CTNND2: variants seen among roughly 807,000 people sequenced by gnomAD.
CTNND2 encodes catenin delta-2.
A neutral mutation model predicts 144.4 loss-of-function variants in CTNND2; 22 were observed. That is an observed-to-expected ratio of 0.15 (90% CI 0.11 to 0.22). CTNND2 has a LOEUF of 0.22. CTNND2 is among the 10% of genes least tolerant of loss of function. The probability of loss-of-function intolerance (pLI) is 1.00; values close to 1 mark genes in which losing one functional copy is unlikely to be tolerated. For missense variants in CTNND2, 1,353 were observed against 1,618.8 expected, an observed-to-expected ratio of 0.84 and a Z score of 2.82; for synonymous variants, 751 against 695.6, an observed-to-expected ratio of 1.08 and a Z score of -1.25.
At chr5:11,447,822 A>G (rs1764962272) in intron 3 of CTNND2, among the ~76,000 whole-genome samples, 1 of 152,170 alleles carries the variant, frequency 6.6e-6, no homozygotes, top group African/African-American at 2.4e-5. Flanking sequence ...CACTGAATAC[A>G]TTTCAAAGAA....
At chr5:11,367,088 G>C (rs1429370320) in intron 7 of CTNND2, among the ~76,000 whole-genome samples, 1 of 152,212 alleles carries the variant, frequency 6.6e-6, no homozygotes, top group Non-Finnish European at 1.5e-5. Context: ...AGGGCTCTGA[G>C]TAAAACTATA....
chr5:11,314,953 T>C (rs901594595), intron 9 of CTNND2, among the ~76,000 whole-genome samples: 6 of 152,224 alleles, frequency 3.9e-5, no homozygotes, highest in African/African-American at 1.4e-4. Flanking sequence ...ATGTTCCAAA[T>C]ATTGCAAGAA....
Position 11,202,945 on chromosome 5 carries a change from C to T in CTNND2, c.1762-3284G>A, listed in dbSNP as rs1225546127. Among the ~76,000 whole-genome samples the T allele has an allele frequency of 2.0e-5, 3 of 152,150 alleles. No individual in the cohort carries two copies. In the East Asian group the frequency reaches 5.8e-4, roughly 29 times the overall value. On this transcript the variant is annotated intron_variant, in intron 10 of 21. Coordinates refer to ENST00000304623, the MANE Select transcript of CTNND2 (RefSeq NM_001332.4). ...TCAGCCTCCCGAGTAGCTGGGATTACAGGCACATGCCATCACGTCTGGCTA... is the reference window on the plus strand; with the variant it reads ...TCAGCCTCCCGAGTAGCTGGGATTATAGGCACATGCCATCACGTCTGGCTA...
chr5:11,058,174 G>A (rs901390702), intron 16 of CTNND2, among the ~76,000 whole-genome samples: 20 of 152,330 alleles, frequency 1.3e-4, no homozygotes, highest in Admixed American at 1.3e-3. Context: ...TACGTAATGA[G>A]GAGCTGAATG....
chr5:11,817,718 G>C (rs201243346), intron 1 of CTNND2, among the ~76,000 whole-genome samples: 1 of 152,040 alleles, frequency 6.6e-6, no homozygotes, highest in Non-Finnish European at 1.5e-5. Flanking sequence ...CACAGGTTAC[G>C]GCGGGGATGG....
At chr5:11,791,606 A>G (rs1791140140) in intron 1 of CTNND2, among the ~76,000 whole-genome samples, 1 of 152,218 alleles carries the variant, frequency 6.6e-6, no homozygotes, top group East Asian at 1.9e-4. Flanking sequence ...TTGATAATGT[A>G]TTTGGCAAAC....
intron 11 of CTNND2, among the ~76,000 whole-genome samples, chr5:11,190,829 A>T (rs1270788935): frequency 6.6e-6 from 1 of 152,034 alleles, no homozygotes; most frequent in Non-Finnish European, 1.5e-5. Context: ...CTGTTCTAGA[A>T]TCTAGAAGAG....
intron 9 of CTNND2, among the ~76,000 whole-genome samples, chr5:11,258,119 C>T (rs973397697): frequency 3.9e-5 from 6 of 152,162 alleles, no homozygotes; most frequent in African/African-American, 1.4e-4. Flanking sequence ...TGGCAGGAAG[C>T]GAGACTCGTA....
At chr5:11,404,781 C>A (rs1040823434) in intron 5 of CTNND2, among the ~76,000 whole-genome samples, 1 of 151,728 alleles carries the variant, frequency 6.6e-6, no homozygotes, top group Non-Finnish European at 1.5e-5. Flanking sequence ...CCATGCCCGG[C>A]TAATTTTTTG....
intron 12 of CTNND2, among the ~76,000 whole-genome samples, chr5:11,134,138 G>C (rs1158826589): frequency 6.6e-6 from 1 of 152,168 alleles, no homozygotes; most frequent in Non-Finnish European, 1.5e-5. Flanking sequence ...GGAGGGAGCA[G>C]GAGAAAGGGG....
chr5:11,280,557 A>G (rs1747009960), intron 9 of CTNND2, among the ~76,000 whole-genome samples: 1 of 152,226 alleles, frequency 6.6e-6, no homozygotes, highest in Non-Finnish European at 1.5e-5. Flanking sequence ...CTGCGATATC[A>G]GAGCTCCACC....
intron 12 of CTNND2, among the ~76,000 whole-genome samples, chr5:11,133,237 CT>C (rs1394003436): frequency 2.0e-5 from 3 of 151,590 alleles, no homozygotes; most frequent in Admixed American, 1.3e-4. Flanking sequence ...TTTTTTTTTC[CT>C]GAAAGGGAAA....
At chr5:11,211,272 G>A (rs1178621639) in intron 10 of CTNND2, among the ~76,000 whole-genome samples, 3 of 152,164 alleles carry the variant, frequency 2.0e-5, no homozygotes, top group Non-Finnish European at 4.4e-5. Flanking sequence ...GAGAGGCAGT[G>A]GGGCTGGGGG....
Position 11,384,451 on chromosome 5 carries a change from T to A in CTNND2, c.1177+214A>T. 1 of 583,018 alleles carries A rather than the reference T, an allele frequency of 1.7e-6. No homozygotes were observed. The highest frequency in any genetic ancestry group is 3.0e-5 in the Admixed American group (1 of 32,892). 36.1% of individuals were successfully genotyped at this position (583,018 alleles called of 1,614,324 possible). A position where few individuals can be genotyped will look rare whatever the true frequency, so the allele number is the denominator to read the frequency against. On this transcript the variant is annotated intron_variant, in intron 7 of 21. Transcript: ENST00000304623. This position sits in a 1 kb window ranked among gnomAD's most constrained non-coding sequence, Gnocchi z 5.2. ...AGAGAGTGATATAGGTGTTAGAGAT[T>A]GAGACACCACATTACTCCGGAAAAG...
intron 8 of CTNND2, among the ~76,000 whole-genome samples, chr5:11,348,437 C>CAAAAAAAAAAAA (rs3034056): frequency 8.7e-6 from 1 of 114,722 alleles, no homozygotes; most frequent in Non-Finnish European, 1.8e-5. Context: ...AAATCAAGGG[C>CAAAAAAAAAAAA]AAAAAAAAAA....
At chr5:11,445,571 TG>T (rs1211545743) in intron 3 of CTNND2, among the ~76,000 whole-genome samples, 2 of 152,202 alleles carry the variant, frequency 1.3e-5, no homozygotes, top group Admixed American at 1.3e-4. Context: ...CAGCTCTGCG[TG>T]CTTCTCCTCA....
intron 1 of CTNND2, among the ~76,000 whole-genome samples, chr5:11,839,171 G>A (rs1181480371): frequency 6.6e-6 from 1 of 151,772 alleles, no homozygotes; most frequent in Non-Finnish European, 1.5e-5. Flanking sequence ...GGTACAGATG[G>A]ACATTTGAAA....
chr5:11,646,741 C>A (rs1782379154), intron 2 of CTNND2, among the ~76,000 whole-genome samples: 1 of 152,172 alleles, frequency 6.6e-6, no homozygotes, highest in South Asian at 2.1e-4. Flanking sequence ...CTCTCTAAGA[C>A]CCTGTTCTTC....
At chr5:11,862,818 T>A (rs2127029358) in intron 1 of CTNND2, among the ~76,000 whole-genome samples, 1 of 152,334 alleles carries the variant, frequency 6.6e-6, no homozygotes, top group Non-Finnish European at 1.5e-5. Context: ...TTATATTTGC[T>A]GTCAGTGCAC....
Sources: gnomAD v4.1 joint callset for allele counts (sites outside exome capture counted in the v4.1 genomes callset) on GRCh38, gnomAD v4.1.1 for gene constraint, Gnocchi (gnomAD v3.1) non-coding constraint, MANE v1.5 for transcripts, NCBI Gene and HGNC (gene_info 2026-07-23, HGNC 2026-07-21) for gene names.